PCDHA5: variants seen among roughly 807,000 people sequenced by gnomAD.
The protein encoded by PCDHA5 is protocadherin alpha 5.
In PCDHA5, 43 loss-of-function variants were observed where a neutral mutation model predicts 61.6. That is an observed-to-expected ratio of 0.70 (90% confidence interval 0.55 to 0.90). The LOEUF (loss-of-function observed/expected upper bound fraction) is 0.90, where lower values mean the gene tolerates loss of function less well. Among genes scored for constraint, PCDHA5 ranks in the 40% least tolerant of loss-of-function variants. The probability of loss-of-function intolerance (pLI) is 0.00; values close to 1 mark genes in which losing one functional copy is unlikely to be tolerated. For missense variants in PCDHA5, 1,298 were observed against 1,222.7 expected (o/e 1.06, Z -0.92); for synonymous variants, 627 against 543.9 (o/e 1.15, Z -2.13).
chr5:140,875,865 G>C (rs782211791), intron 1 of PCDHA5: 6 of 1,614,160 alleles, frequency 3.7e-6, no homozygotes, highest in Non-Finnish European at 5.1e-6. Context: ...ACAACCCGCC[G>C]GTGTTCAGAG....
chr5:140,985,421 G>T (rs1554247049), intron 3 of PCDHA5, among the ~76,000 whole-genome samples: 1 of 152,110 alleles, frequency 6.6e-6, no homozygotes, highest in African/African-American at 2.4e-5. Context: ...GGAGTGAGGA[G>T]GATTTATTAG....
intron 1 of PCDHA5, chr5:140,828,068 G>C: frequency 6.4e-7 from 1 of 1,561,728 alleles, no homozygotes. Flanking sequence ...TCTTCTAATG[G>C]AAATAAAACC....
Position 140,842,759 on chromosome 5 carries a change from C to T in PCDHA5, c.2352+18632C>T, listed in dbSNP as rs1270005538. 3 of 1,594,688 alleles carry T rather than the reference C, an allele frequency of 1.9e-6. No homozygotes were observed. The East Asian group carries it at 6.7e-5, about 36-fold the overall frequency. ...CTGCCACATCTTCACGGTGTCTGCG[C>T]GAGACGCGGACGCGCAGGAGAACGC... is the stretch of plus-strand genomic sequence containing the variant. On this transcript the variant is annotated intron_variant, in intron 1 of 3. Coordinates refer to ENST00000529859, the MANE Select transcript of PCDHA5 (RefSeq NM_018908.3).
At chr5:140,873,615 A>C (rs1487252868) in intron 1 of PCDHA5, among the ~76,000 whole-genome samples, 3 of 152,280 alleles carry the variant, frequency 2.0e-5, no homozygotes, top group African/African-American at 7.2e-5. Context: ...TTGGCTTAAC[A>C]ATTTGTTTAG....
chr5:140,830,399 A>T (rs2150186054), intron 1 of PCDHA5: 1 of 1,593,324 alleles, frequency 6.3e-7, no homozygotes, highest in Non-Finnish European at 8.6e-7. Flanking sequence ...GATGGATCTC[A>T]TGGCCTTTAG....
intron 1 of PCDHA5, among the ~76,000 whole-genome samples, chr5:140,878,493 C>A (rs1339637878): frequency 6.6e-6 from 1 of 152,008 alleles, no homozygotes; most frequent in Non-Finnish European, 1.5e-5. Context: ...AATATTTAAC[C>A]ATCTGTACGA....
At chr5:140,850,001 C>T in intron 1 of PCDHA5, 1 of 1,597,070 alleles carries the variant, frequency 6.3e-7, no homozygotes, top group Non-Finnish European at 8.6e-7. Flanking sequence ...TGGGCGAGCG[C>T]TCGCTGTCGA....
At chr5:140,884,158 G>T (rs376345503) in intron 1 of PCDHA5, 6 of 1,613,488 alleles carry the variant, frequency 3.7e-6, no homozygotes, top group Non-Finnish European at 5.1e-6. Context: ...ACACTGGCGA[G>T]ATCAGCACGA....
chr5:141,010,455 T>G lies in PCDHA5; in HGVS notation c.*518T>G. The stretch of plus-strand genomic sequence containing the variant: ...AACAAAGACAAATAAACAGCGGAAG[T>G]TATCAGTATGGAGGGGAAGTGTAAA... On this transcript the variant is annotated 3_prime_UTR_variant, in exon 4 of 4. Transcript: ENST00000529859. 1 of 883,470 alleles carries G rather than the reference T, an allele frequency of 1.1e-6. No homozygotes were observed. Among genetic ancestry groups the G allele is most frequent in the South Asian group, 1.9e-5 (1 of 53,228 alleles). 54.7% of individuals were successfully genotyped at this position (883,470 alleles called of 1,614,324 possible). A position where few individuals can be genotyped will look rare whatever the true frequency, so the allele number is the denominator to read the frequency against.
rs2098415868 is a variant in PCDHA5 at position 141,010,044 on chromosome 5, G to A, written c.*107G>A. On this transcript the variant is annotated 3_prime_UTR_variant, in exon 4 of 4. Coordinates refer to ENST00000529859, the MANE Select transcript of PCDHA5 (RefSeq NM_018908.3). ...TTTCCTATCTACATGAGCCCTCTTA[G>A]AGACCTCAGAAATCTGCAGAAAGTT... 6.3e-7 allele frequency: 1 copy of A among 1,594,604 alleles called. No individual in the cohort carries two copies. The highest frequency in any genetic ancestry group is 8.5e-7 in the Non-Finnish European group (1 of 1,171,226).
At chr5:140,963,685 C>T (rs1272143166) in intron 1 of PCDHA5, among the ~76,000 whole-genome samples, 19 of 152,220 alleles carry the variant, frequency 1.2e-4, no homozygotes, top group Middle Eastern at 3.4e-3. Flanking sequence ...TGTGTTTATC[C>T]GTGTTTGATA....
chr5:140,997,409 A>G (rs1378198322), intron 3 of PCDHA5, among the ~76,000 whole-genome samples: 2 of 152,180 alleles, frequency 1.3e-5, no homozygotes, highest in Non-Finnish European at 1.5e-5. Flanking sequence ...CGTATGGCCT[A>G]TTTCTCCTAG....
intron 1 of PCDHA5, among the ~76,000 whole-genome samples, chr5:140,937,093 A>G (rs1466127180): frequency 6.8e-6 from 1 of 146,414 alleles, no homozygotes; most frequent in African/African-American, 2.6e-5. Context: ...GCTGGAGTGC[A>G]GTGGCGCAGT....
chr5:140,876,455 C>G, intron 1 of PCDHA5: 1 of 1,613,992 alleles, frequency 6.2e-7, no homozygotes, highest in Non-Finnish European at 8.5e-7. Context: ...AAAGGGATTC[C>G]TTCCATGGCA....
At chr5:140,936,762 G>A (rs190223178) in intron 1 of PCDHA5, among the ~76,000 whole-genome samples, 224 of 152,210 alleles carry the variant, frequency 1.5e-3, no homozygotes, top group Non-Finnish European at 2.6e-3. Context: ...ATATCTAATT[G>A]TGTAAGTTCT....
intron 1 of PCDHA5, among the ~76,000 whole-genome samples, chr5:140,947,975 A>G (rs572156919): frequency 5.8e-4 from 87 of 150,726 alleles, no homozygotes; most frequent in African/African-American, 1.9e-3. Context: ...TGTGCTACTC[A>G]TAGGTTTTTC....
chr5:140,858,413 A>G lies in PCDHA5; in HGVS notation c.2352+34286A>G, dbSNP rs150984635. 3.9e-4 allele frequency: 609 copies of G among 1,562,348 alleles called. 39 individuals are homozygous for G. The African/African-American group carries it at 7.5e-3, about 19-fold the overall frequency. On this transcript the variant is annotated intron_variant, in intron 1 of 3. Transcript: ENST00000529859. Reference sequence around the variant, plus strand: ...AGATGTGGACGGGGAAGATCAGTCTATTGGAGGGGACCACTCTAGGAAGGT... The same window carrying G: ...AGATGTGGACGGGGAAGATCAGTCTGTTGGAGGGGACCACTCTAGGAAGGT...
In PCDHA5 at chr5:140,882,469, G is replaced by C; in HGVS notation, c.2352+58342G>C. Reference sequence around the variant, plus strand: ...TGGTGCCGCGCCTGTTCCGGGTGGCGTCCAAAAGACACGGGGACCTTCTGG... The same window carrying C: ...TGGTGCCGCGCCTGTTCCGGGTGGCCTCCAAAAGACACGGGGACCTTCTGG... On this transcript the variant is annotated intron_variant, in intron 1 of 3. Coordinates refer to ENST00000529859, the MANE Select transcript of PCDHA5 (RefSeq NM_018908.3). The C allele has an allele frequency of 1.2e-6, 2 of 1,614,032 alleles. 1 individual carries two copies. Among genetic ancestry groups the C allele is most frequent in the South Asian group, 2.2e-5 (2 of 91,072 alleles).
chr5:140,843,322 G>T (rs1473227460), intron 1 of PCDHA5: 4 of 1,595,938 alleles, frequency 2.5e-6, no homozygotes, highest in Non-Finnish European at 1.7e-6. Context: ...CGGTTCTGGT[G>T]TCGCTGGTGG....
Sources: gnomAD v4.1 joint callset for allele counts (sites outside exome capture counted in the v4.1 genomes callset) on GRCh38, gnomAD v4.1.1 for gene constraint, MANE v1.5 for transcripts, NCBI Gene and HGNC (gene_info 2026-07-23, HGNC 2026-07-21) for gene names.